PARD3B: variants seen among roughly 807,000 people sequenced by gnomAD.
The protein encoded by PARD3B is partitioning defective 3 homolog B.
A neutral mutation model predicts 130.2 loss-of-function variants in PARD3B; 103 were observed. That is an observed-to-expected ratio of 0.79 (90% CI 0.67 to 0.93). The LOEUF is 0.93. Among genes scored for constraint, PARD3B ranks in the 40% least tolerant of loss-of-function variants. PARD3B has a pLI of 0.00. For synonymous variants in PARD3B, 583 were observed against 553.2 expected, an observed-to-expected ratio of 1.05 and a Z score of -0.76; for missense variants, 1,609 against 1,499.2, an observed-to-expected ratio of 1.07 and a Z score of -1.21.
At chr2:205,523,431 AC>A (rs1282233189) in intron 21 of PARD3B, among the ~76,000 whole-genome samples, 1 of 151,566 alleles carries the variant, frequency 6.6e-6, no homozygotes, top group Non-Finnish European at 1.5e-5. Context: ...TTTAATAGAG[AC>A]GGGGTTTCAC....
At chr2:205,521,343 C>G (rs1396164811) in intron 21 of PARD3B, among the ~76,000 whole-genome samples, 2 of 151,988 alleles carry the variant, frequency 1.3e-5, no homozygotes, top group African/African-American at 2.4e-5. Context: ...GCCTCTGTCA[C>G]TCCTAACTTG....
chr2:205,143,284 C>T (rs750643909), intron 10 of PARD3B, among the ~76,000 whole-genome samples: 1 of 152,066 alleles, frequency 6.6e-6, no homozygotes, highest in Non-Finnish European at 1.5e-5. Flanking sequence ...TGTGGTGCTT[C>T]GATGAGTCTT....
chr2:205,367,673 C>T (rs1559708523), intron 18 of PARD3B, among the ~76,000 whole-genome samples: 1 of 152,140 alleles, frequency 6.6e-6, no homozygotes, highest in African/African-American at 2.4e-5. Flanking sequence ...AGGCCAAAAC[C>T]ACCTTGGCCT....
chr2:205,215,101 G>C (rs1225628340), intron 15 of PARD3B, among the ~76,000 whole-genome samples: 1 of 151,964 alleles, frequency 6.6e-6, no homozygotes, highest in Non-Finnish European at 1.5e-5. Flanking sequence ...CACTTTTCTA[G>C]GTGTGTTTTA....
At chr2:204,838,684 A>G (rs947335411) in intron 2 of PARD3B, among the ~76,000 whole-genome samples, 1 of 152,164 alleles carries the variant, frequency 6.6e-6, no homozygotes, top group Non-Finnish European at 1.5e-5. Flanking sequence ...ACGGAAATGT[A>G]TATTTCACAT....
Position 205,461,085 on chromosome 2 carries a change from T to G in PARD3B, c.3044+20413T>G, listed in dbSNP as rs2048434949. On this transcript the variant is annotated intron_variant, in intron 20 of 22. Coordinates refer to ENST00000406610, the MANE Select transcript of PARD3B (RefSeq NM_001302769.2). The surrounding 1 kb of genome is among the most constrained non-coding windows in gnomAD (Gnocchi z 4.3). ...ACACAGTCCTTACTTTCATGGAACTTAAGACCTACAGGAGGAGACAAATAT... is the reference window on the plus strand; with the variant it reads ...ACACAGTCCTTACTTTCATGGAACTGAAGACCTACAGGAGGAGACAAATAT... 6.6e-6 allele frequency among the ~76,000 whole-genome samples: 1 copy of G among 152,196 alleles called. No individual in the cohort carries two copies. The highest frequency in any genetic ancestry group is 6.5e-5 in the Admixed American group (1 of 15,282).
At chr2:205,370,660 G>C (rs749186750) in intron 18 of PARD3B, among the ~76,000 whole-genome samples, 4 of 152,178 alleles carry the variant, frequency 2.6e-5, no homozygotes, top group African/African-American at 4.8e-5. Flanking sequence ...AATTGCTCTT[G>C]GATGCAGTAG....
intron 22 of PARD3B, among the ~76,000 whole-genome samples, chr2:205,613,361 T>G (rs185788699): frequency 6.6e-6 from 1 of 152,312 alleles, no homozygotes; most frequent in Admixed American, 6.5e-5. Context: ...TTTGAGTGTA[T>G]CGGATATCTC....
At chr2:204,861,345 A>T (rs55757084) in intron 2 of PARD3B, among the ~76,000 whole-genome samples, 1 of 152,190 alleles carries the variant, frequency 6.6e-6, no homozygotes, top group African/African-American at 2.4e-5. Context: ...TTAATTTAAC[A>T]TATCAAGAAT....
At position 205,615,510 on chromosome 2, in the gene PARD3B, C is replaced by T; in HGVS notation, c.3315C>T (p.Tyr1105=). Residue 1105 remains tyrosine (Y), a synonymous_variant, in exon 23 of 23, where the codon TAC becomes TAT. Coordinates refer to ENST00000406610, the MANE Select transcript of PARD3B (RefSeq NM_001302769.2). ...DYLPAAPRGL[Y]KERELPYYPG... is the part of the protein sequence containing the mutation. ...TGCCAGCAGCACCTCGGGGGCTCTA[C>T]AAGGAAAGGGAGCTTCCCTATTATC... is the stretch of plus-strand genomic sequence containing the variant. The T allele has an allele frequency of 6.2e-7, 1 of 1,613,676 alleles. No homozygotes were observed. The highest frequency in any genetic ancestry group is 2.2e-5 in the East Asian group (1 of 44,872).
intron 2 of PARD3B, among the ~76,000 whole-genome samples, chr2:204,779,638 C>G (rs1035885462): frequency 6.6e-6 from 1 of 152,078 alleles, no homozygotes; most frequent in South Asian, 2.1e-4. Context: ...TTATTTCCTA[C>G]CAACCACTGT....
chr2:204,856,650 C>T (rs1267481863), intron 2 of PARD3B, among the ~76,000 whole-genome samples: 2 of 152,036 alleles, frequency 1.3e-5, no homozygotes, highest in African/African-American at 4.8e-5. Flanking sequence ...CCCTTGTTTT[C>T]TTCTACTTAT....
intron 2 of PARD3B, among the ~76,000 whole-genome samples, chr2:204,707,679 T>G (rs887495729): frequency 3.3e-5 from 5 of 152,162 alleles, no homozygotes; most frequent in African/African-American, 1.2e-4. Context: ...AAGCCCTTTT[T>G]CAATATTGTT....
intron 22 of PARD3B, among the ~76,000 whole-genome samples, chr2:205,555,311 G>A (rs1374652670): frequency 6.6e-6 from 1 of 152,076 alleles, no homozygotes; most frequent in African/African-American, 2.4e-5. Flanking sequence ...GTATGTACCA[G>A]GCCCTGAGAA....
intron 4 of PARD3B, among the ~76,000 whole-genome samples, chr2:205,068,331 G>A (rs985965382): frequency 2.0e-5 from 3 of 152,120 alleles, no homozygotes; most frequent in Non-Finnish European, 4.4e-5. Flanking sequence ...TACACTTTAT[G>A]TGTAGTTATG....
chr2:204,954,535 A>C (rs1181869465), intron 2 of PARD3B, among the ~76,000 whole-genome samples: 1 of 152,208 alleles, frequency 6.6e-6, no homozygotes, highest in Non-Finnish European at 1.5e-5. Flanking sequence ...AGTACCAATT[A>C]ATCACCAGCT....
intron 18 of PARD3B, among the ~76,000 whole-genome samples, chr2:205,307,741 T>C (rs376720444): frequency 6.6e-5 from 10 of 152,234 alleles, no homozygotes; most frequent in East Asian, 3.8e-4. Context: ...TTAATAACCT[T>C]GTCAATCCTT....
Position 204,706,621 on chromosome 2 carries a change from A to G in PARD3B, c.222+20339A>G, listed in dbSNP as rs1367797297. Among the ~76,000 whole-genome samples, 3 of 152,292 alleles carry G rather than the reference A, an allele frequency of 2.0e-5. No homozygotes were observed. The East Asian group carries it at 5.8e-4, about 29-fold the overall frequency. On this transcript the variant is annotated intron_variant, in intron 2 of 22. Transcript: ENST00000406610. ...GACATGAGGAAAGATTTTAAGGTATAGAGGAGAAAAGTCTAGGGTGATGAT... is the reference window on the plus strand; with the variant it reads ...GACATGAGGAAAGATTTTAAGGTATGGAGGAGAAAAGTCTAGGGTGATGAT...
At chr2:204,841,653 G>A (rs980079414) in intron 2 of PARD3B, among the ~76,000 whole-genome samples, 2 of 152,062 alleles carry the variant, frequency 1.3e-5, no homozygotes, top group African/African-American at 2.4e-5. Flanking sequence ...TTTGTTTTGC[G>A]ATGAGGGCAA....
Sources: allele counts gnomAD v4.1 joint callset (sites outside exome capture counted in the v4.1 genomes callset), GRCh38; gene constraint gnomAD v4.1.1; non-coding constraint Gnocchi (gnomAD v3.1); transcripts MANE v1.5; gene names NCBI Gene and HGNC (gene_info 2026-07-23, HGNC 2026-07-21).